The following ZNF423 variants were observed in gnomAD, a reference collection of about 807,000 sequenced individuals.
ZNF423 encodes the protein zinc finger protein 423.
In ZNF423, 12 loss-of-function variants were observed where a neutral mutation model predicts 95.8. The ratio of observed to expected loss-of-function variants is 0.13; its 90% CI spans 0.08 to 0.20. The LOEUF is 0.20. Ranked by LOEUF, ZNF423 falls within the 10% of genes least tolerant of loss-of-function variation. The probability of loss-of-function intolerance (pLI) is 1.00; values close to 1 mark genes in which losing one functional copy is unlikely to be tolerated. For synonymous variants in ZNF423, 749 were observed against 711.9 expected, an observed-to-expected ratio of 1.05 and a Z score of -0.83; for missense variants, 1,316 against 1,737.1, an observed-to-expected ratio of 0.76 and a Z score of 4.31.
intron 7 of ZNF423, among the ~76,000 whole-genome samples, chr16:49,514,879 A>G (rs1387219222): frequency 1.3e-5 from 2 of 152,208 alleles, no homozygotes; most frequent in African/African-American, 4.8e-5. Context: ...GGACATGTGC[A>G]TGTGTGCGTG....
At chr16:49,809,237 C>T (rs183218149) in intron 1 of ZNF423, among the ~76,000 whole-genome samples, 10 of 152,350 alleles carry the variant, frequency 6.6e-5, no homozygotes, top group Admixed American at 1.3e-4. Flanking sequence ...ACACATAATG[C>T]GAGGACACCC....
At chr16:49,748,180 G>A (rs143821326) in intron 2 of ZNF423, among the ~76,000 whole-genome samples, 21 of 152,350 alleles carry the variant, frequency 1.4e-4, no homozygotes, top group South Asian at 6.2e-4. Flanking sequence ...TGCCTGGCAC[G>A]TAGTAGGTGC....
intron 1 of ZNF423, among the ~76,000 whole-genome samples, chr16:49,798,969 G>A (rs1390273928): frequency 1.3e-5 from 2 of 152,196 alleles, no homozygotes; most frequent in African/African-American, 4.8e-5. Flanking sequence ...TGTCCTTACA[G>A]GAAAAGTGAC....
intron 5 of ZNF423, among the ~76,000 whole-genome samples, chr16:49,529,789 A>G (rs1194788192): frequency 1.3e-5 from 2 of 151,954 alleles, no homozygotes; most frequent in African/African-American, 2.4e-5. Flanking sequence ...GGGAGGGAGG[A>G]GCGGCGGGCT....
intron 2 of ZNF423, among the ~76,000 whole-genome samples, chr16:49,745,878 C>A (rs143105556): frequency 6.6e-6 from 1 of 152,144 alleles, no homozygotes; most frequent in Non-Finnish European, 1.5e-5. Flanking sequence ...GGGGAGCCCA[C>A]GGGGATGGAG....
chr16:49,745,240 A>C (rs2033497521), intron 2 of ZNF423, among the ~76,000 whole-genome samples: 1 of 152,180 alleles, frequency 6.6e-6, no homozygotes, highest in Non-Finnish European at 1.5e-5. Flanking sequence ...TAATTTTTTT[A>C]GGTTTATTTT....
rs1054728055 is a variant in ZNF423, at chr16:49,510,991, C to T, written c.3849+12633G>A. The stretch of plus-strand genomic sequence containing the variant: ...AGGCTCCAATGGGCAGACGGGCAGC[C>T]GGAGGCTGATTCCAAGTGCCATCTC... On this transcript the variant is annotated intron_variant, in intron 7 of 7. Coordinates refer to ENST00000563137, the MANE Select transcript of ZNF423 (RefSeq NM_001379286.1). Among the ~76,000 whole-genome samples, 20 of 152,338 alleles carry T rather than the reference C, an allele frequency of 1.3e-4. 1 individual carries two copies. The East Asian group carries it at 1.4e-3, about 10-fold the overall frequency.
intron 7 of ZNF423, among the ~76,000 whole-genome samples, chr16:49,491,812 C>T (rs1386485519): frequency 2.0e-5 from 3 of 152,166 alleles, no homozygotes; most frequent in Non-Finnish European, 4.4e-5. Context: ...AAGAAACACC[C>T]GAGCGGGCAC....
chr16:49,627,739 C>T (rs924179932), intron 4 of ZNF423, among the ~76,000 whole-genome samples: 6 of 148,990 alleles, frequency 4.0e-5, no homozygotes, highest in Non-Finnish European at 8.9e-5. Context: ...TCTATCTACC[C>T]GCCCATCCAT....
chr16:49,723,963 C>T (rs1338193588), intron 3 of ZNF423, among the ~76,000 whole-genome samples: 1 of 152,220 alleles, frequency 6.6e-6, no homozygotes, highest in Admixed American at 6.5e-5. Context: ...CTCCCTGTTC[C>T]TTTTCCAGAA....
chr16:49,676,634 C>T (rs980883049), intron 3 of ZNF423, among the ~76,000 whole-genome samples: 2 of 151,998 alleles, frequency 1.3e-5, no homozygotes, highest in Non-Finnish European at 2.9e-5. Flanking sequence ...TTATGAGGAC[C>T]TGACACTCAT....
At chr16:49,760,566 G>A (rs893824541) in intron 2 of ZNF423, among the ~76,000 whole-genome samples, 12 of 152,036 alleles carry the variant, frequency 7.9e-5, no homozygotes, top group Non-Finnish European at 1.3e-4. Context: ...TAGAGGATAC[G>A]AAGATGACCA....
At chr16:49,669,953 A>G (rs1028663763) in intron 3 of ZNF423, among the ~76,000 whole-genome samples, 9 of 152,242 alleles carry the variant, frequency 5.9e-5, no homozygotes, top group Admixed American at 1.3e-4. Context: ...AGCCATTGCC[A>G]CACACGGGAT....
chr16:49,743,899 G>A (rs1435782726), intron 2 of ZNF423, among the ~76,000 whole-genome samples: 1 of 152,178 alleles, frequency 6.6e-6, no homozygotes. Flanking sequence ...GTGGCGCCTG[G>A]AGAAAAGGGA....
At chr16:49,493,992 C>T (rs1967065387) in intron 7 of ZNF423, among the ~76,000 whole-genome samples, 1 of 152,238 alleles carries the variant, frequency 6.6e-6, no homozygotes, top group African/African-American at 2.4e-5. Context: ...GGACCACCCA[C>T]TACCAACATG....
At chr16:49,756,186 C>T (rs533146818) in intron 2 of ZNF423, among the ~76,000 whole-genome samples, 1 of 152,244 alleles carries the variant, frequency 6.6e-6, no homozygotes, top group East Asian at 1.9e-4. Flanking sequence ...TCAAAACGGA[C>T]TTGCTGTTTT....
At chr16:49,524,074 C>T (rs968399252) in intron 6 of ZNF423, among the ~76,000 whole-genome samples, 3 of 152,148 alleles carry the variant, frequency 2.0e-5, no homozygotes, top group African/African-American at 7.2e-5. Context: ...AGATGGCCTG[C>T]CACAGACAAA....
chr16:49,813,498 C>T (rs914730349), intron 1 of ZNF423, among the ~76,000 whole-genome samples: 10 of 152,204 alleles, frequency 6.6e-5, no homozygotes, highest in Non-Finnish European at 1.5e-4. Context: ...CTCCCCTGGG[C>T]CATGGCCCAG....
At chr16:49,692,398 C>T (rs2031818230) in intron 3 of ZNF423, among the ~76,000 whole-genome samples, 1 of 152,144 alleles carries the variant, frequency 6.6e-6, no homozygotes, top group African/African-American at 2.4e-5. Context: ...AAGAGGTCTG[C>T]CCCAGGAAAC....
Sources: gnomAD v4.1 joint callset for allele counts (sites outside exome capture counted in the v4.1 genomes callset) on GRCh38, gnomAD v4.1.1 for gene constraint, MANE v1.5 for transcripts, NCBI Gene and HGNC (gene_info 2026-07-23, HGNC 2026-07-21) for gene names.